The following NEK11 variants were observed in gnomAD, a reference collection of about 807,000 sequenced individuals.
The protein encoded by NEK11 is serine/threonine-protein kinase Nek11.
Under a neutral mutation model 80.7 loss-of-function variants are expected in NEK11, and 72 were observed. The ratio of observed to expected loss-of-function variants is 0.89; its 90% confidence interval spans 0.74 to 1.08. The LOEUF (loss-of-function observed/expected upper bound fraction) is 1.08. Among genes scored for constraint, NEK11 ranks in the 50% least tolerant of loss-of-function variants. NEK11 has a pLI of 0.00. For synonymous variants in NEK11, 251 were observed against 260.7 expected (o/e 0.96, Z 0.36); for missense variants, 764 against 763.6 (o/e 1.00, Z -0.01).
At chr3:131,163,081 A>T (rs1383817781) in intron 11 of NEK11, among the ~76,000 whole-genome samples, 1 of 152,156 alleles carries the variant, frequency 6.6e-6, no homozygotes, top group Non-Finnish European at 1.5e-5. Context: ...GAAAAAGTGA[A>T]ATTTCAGGTG....
At chr3:131,215,361 A>C (rs1004875139) in intron 14 of NEK11, among the ~76,000 whole-genome samples, 3 of 152,068 alleles carry the variant, frequency 2.0e-5, no homozygotes, top group Non-Finnish European at 4.4e-5. Context: ...AACATGGCAC[A>C]CGTATACATA....
Position 131,057,726 on chromosome 3 carries a change from G to A in NEK11, c.171-22697G>A, listed in dbSNP as rs1189180902. 1.9e-4 allele frequency among the ~76,000 whole-genome samples: 29 copies of A among 151,484 alleles called. No individual in the cohort carries two copies. In the East Asian group the frequency reaches 5.6e-3, roughly 29 times the overall value. On this transcript the variant is annotated intron_variant, in intron 3 of 17. Coordinates refer to ENST00000383366, the MANE Select transcript of NEK11 (RefSeq NM_024800.5). ...TGTTCATATCCTTTGCCCACTTTTT[G>A]ATGGGGTTGTTTGTTTTTTTCTTGT...
At chr3:131,069,912 G>T (rs1385600421) in intron 3 of NEK11, among the ~76,000 whole-genome samples, 1 of 151,564 alleles carries the variant, frequency 6.6e-6, no homozygotes, top group African/African-American at 2.4e-5. Context: ...CACCAGCACG[G>T]CACATGTATA....
intron 14 of NEK11, among the ~76,000 whole-genome samples, chr3:131,215,404 C>T (rs2094799064): frequency 1.3e-5 from 2 of 151,786 alleles, no homozygotes; most frequent in African/African-American, 4.8e-5. Flanking sequence ...CACATGTACC[C>T]TAGAACTTAA....
At chr3:131,201,080 CATGAT>C (rs946042311) in intron 14 of NEK11, among the ~76,000 whole-genome samples, 1 of 151,884 alleles carries the variant, frequency 6.6e-6, no homozygotes, top group African/African-American at 2.4e-5. Flanking sequence ...ATCTTGTAGA[CATGAT>C]ATAACTAAAA....
chr3:131,323,658 C>G (rs1409636060), intron 17 of NEK11, among the ~76,000 whole-genome samples: 1 of 152,174 alleles, frequency 6.6e-6, no homozygotes, highest in Non-Finnish European at 1.5e-5. Flanking sequence ...TGGTGAAACA[C>G]TTAACTTGGA....
intron 16 of NEK11, among the ~76,000 whole-genome samples, chr3:131,256,472 A>G (rs994016808): frequency 6.6e-6 from 1 of 152,190 alleles, no homozygotes; most frequent in Non-Finnish European, 1.5e-5. Flanking sequence ...CTATGCACCA[A>G]TATAGTGATT....
intron 4 of NEK11, among the ~76,000 whole-genome samples, chr3:131,100,378 C>T (rs1026159483): frequency 3.9e-5 from 6 of 151,998 alleles, no homozygotes; most frequent in Admixed American, 6.6e-5. Flanking sequence ...GGGCAGATCA[C>T]GAGGTCAGGA....
chr3:131,322,643 G>A (rs2096908973), intron 17 of NEK11, among the ~76,000 whole-genome samples: 1 of 152,138 alleles, frequency 6.6e-6, no homozygotes, highest in Admixed American at 6.5e-5. Flanking sequence ...TGATTAGTAG[G>A]TCTGAGGAGG....
intron 4 of NEK11, among the ~76,000 whole-genome samples, chr3:131,084,342 T>A (rs1268020340): frequency 6.6e-6 from 1 of 152,236 alleles, no homozygotes; most frequent in African/African-American, 2.4e-5. Context: ...TCTTTACCTC[T>A]TGGTTCCAGC....
At chr3:131,318,923 C>A (rs1196925860) in intron 17 of NEK11, among the ~76,000 whole-genome samples, 1 of 151,212 alleles carries the variant, frequency 6.6e-6, no homozygotes, top group African/African-American at 2.4e-5. Context: ...TATTTTTGAC[C>A]CACCTTTCTT....
intron 16 of NEK11, among the ~76,000 whole-genome samples, chr3:131,245,457 TG>T (rs2095586187): frequency 6.6e-6 from 1 of 152,174 alleles, no homozygotes; most frequent in Non-Finnish European, 1.5e-5. Flanking sequence ...TCTTTTCCTT[TG>T]GGTATATACC....
chr3:131,132,880 A>G, intron 6 of NEK11, 71 bp downstream of exon 6: 1 of 687,166 alleles, frequency 1.5e-6, no homozygotes, highest in Non-Finnish European at 2.4e-6. Context: ...TATCAAATTG[A>G]AGTAAATGGT....
At chr3:131,170,482 A>G (rs1405090140) in intron 13 of NEK11, among the ~76,000 whole-genome samples, 1 of 152,126 alleles carries the variant, frequency 6.6e-6, no homozygotes, top group South Asian at 2.1e-4. Flanking sequence ...TCAGCTGTCA[A>G]TGGAGTGAGT....
chr3:131,159,033 G>A (rs531436960), intron 10 of NEK11, among the ~76,000 whole-genome samples: 2 of 152,280 alleles, frequency 1.3e-5, no homozygotes, highest in Admixed American at 1.3e-4. Flanking sequence ...CTGAGCACTG[G>A]CTGCCTAAAA....
rs58463955 is a variant in NEK11 at position 131,181,745 on chromosome 3, CA to C, written c.1399+10879del. ...TGGGCGACAGAGCGAGACTCCGCCT[CA>C]AAAAAAAAAAAAAAAAAAAAGAAAA... On this transcript the variant is annotated intron_variant, in intron 14 of 17. Coordinates refer to ENST00000383366, the MANE Select transcript of NEK11 (RefSeq NM_024800.5). 6.4e-3 allele frequency among the ~76,000 whole-genome samples: 533 copies of C among 83,076 alleles called. 2 individuals are homozygous for C. The highest frequency in any genetic ancestry group is 0.023 in the African/African-American group (462 of 19,964). 54.5% of individuals were successfully genotyped at this position (83,076 alleles called of 152,430 possible). A position where few individuals can be genotyped will look rare whatever the true frequency, so the allele number is the denominator to read the frequency against.
intron 14 of NEK11, among the ~76,000 whole-genome samples, chr3:131,228,279 A>C (rs2095253574): frequency 6.6e-6 from 1 of 152,160 alleles, no homozygotes; most frequent in Non-Finnish European, 1.5e-5. Flanking sequence ...TTCTTATTTA[A>C]TGATTTTTTT....
chr3:131,070,916 T>G (rs1295722903), intron 3 of NEK11, among the ~76,000 whole-genome samples: 1 of 152,200 alleles, frequency 6.6e-6, no homozygotes, highest in Admixed American at 6.5e-5. Flanking sequence ...ATTGAGGTAC[T>G]TTGATTATCT....
chr3:131,284,628 C>T (rs1465289025), intron 17 of NEK11, among the ~76,000 whole-genome samples: 1 of 152,106 alleles, frequency 6.6e-6, no homozygotes, highest in Non-Finnish European at 1.5e-5. Flanking sequence ...GCAGACCTAC[C>T]CTCAATCTGG....
Sources: gnomAD v4.1 joint callset for allele counts (sites outside exome capture counted in the v4.1 genomes callset) on GRCh38, gnomAD v4.1.1 for gene constraint, MANE v1.5 for transcripts, NCBI Gene and HGNC (gene_info 2026-07-23, HGNC 2026-07-21) for gene names.